The following MAN1C1 variants were observed in gnomAD, a reference collection of about 807,000 sequenced individuals.
MAN1C1 encodes mannosyl-oligosaccharide 1,2-alpha-mannosidase IC.
In MAN1C1, 49 loss-of-function variants were observed where a neutral mutation model predicts 71.5. The ratio of observed to expected loss-of-function variants is 0.69; its 90% CI spans 0.54 to 0.87. The LOEUF is 0.87. Among genes scored for constraint, MAN1C1 ranks in the 40% least tolerant of loss-of-function variants. The pLI is 0.00. For synonymous variants in MAN1C1, 352 were observed against 343.7 expected (o/e 1.02, Z -0.27); for missense variants, 743 against 835.0 (o/e 0.89, Z 1.36).
In MAN1C1 at chr1:25,781,011, A is replaced by G. The variant is rs148172518; in HGVS notation, c.1549A>G (p.Ser517Gly). Residue 517 changes from serine (S) to glycine (G), a missense_variant, in exon 10 of 12, where the codon AGC (serine) becomes GGC (glycine). Physicochemically the swap from Ser to Gly is moderately conservative, Grantham distance 56. Transcript: ENST00000374332. ...GGCCGTGGCCACCCAGCTGAGCGAG[A>G]GCTACTACATCCTCCGGCCAGAGGT... is the stretch of plus-strand genomic sequence containing the variant. ...REAVATQLSE[S>G]YYILRPEVVE... is the part of the protein sequence containing the mutation. 4.3e-5 allele frequency: 69 copies of G among 1,613,986 alleles called. No homozygotes were observed. The Middle Eastern group carries it at 4.9e-4, about 12-fold the overall frequency.
At chr1:25,621,635 T>A (rs1208837146) in intron 1 of MAN1C1, among the ~76,000 whole-genome samples, 2 of 152,090 alleles carry the variant, frequency 1.3e-5, no homozygotes, top group Non-Finnish European at 2.9e-5. Flanking sequence ...GTGTTTGTTT[T>A]TTTTTTAAGA....
At chr1:25,658,407 C>T (rs888127758) in intron 1 of MAN1C1, among the ~76,000 whole-genome samples, 2 of 152,058 alleles carry the variant, frequency 1.3e-5, no homozygotes, top group Non-Finnish European at 2.9e-5. Context: ...GGCAGGTGGC[C>T]CCAGGCTTGG....
intron 4 of MAN1C1, among the ~76,000 whole-genome samples, chr1:25,751,732 A>G (rs2124350634): frequency 6.6e-6 from 1 of 152,250 alleles, no homozygotes; most frequent in Middle Eastern, 3.4e-3. Flanking sequence ...GCATGTTATC[A>G]CCGATTTGCA....
chr1:25,739,743 G>T (rs2047033123), intron 2 of MAN1C1, among the ~76,000 whole-genome samples: 1 of 152,162 alleles, frequency 6.6e-6, no homozygotes, highest in Admixed American at 6.5e-5. Context: ...GGCACATGTT[G>T]TCACTCTGGG....
intron 7 of MAN1C1, among the ~76,000 whole-genome samples, chr1:25,768,694 TAAC>T (rs1432274384): frequency 2.3e-5 from 2 of 88,514 alleles, no homozygotes; most frequent in Non-Finnish European, 4.4e-5. Context: ...CACGCTCCCT[TAAC>T]ACACACACAC....
Position 25,724,960 on chromosome 1 carries a change from C to G in MAN1C1, c.638-21708C>G, listed in dbSNP as rs145882019. Among the ~76,000 whole-genome samples, 491 of 152,270 alleles carry G rather than the reference C, an allele frequency of 3.2e-3. 1 individual carries two copies. Among genetic ancestry groups the G allele is most frequent in the African/African-American group, 0.011 (470 of 41,548 alleles). ...ATGAAATTTGCTTAATTATTTGATT[C>G]AATCAGAAGTTGGCTTAATTATTTT... On this transcript the variant is annotated intron_variant, in intron 2 of 11. Coordinates refer to ENST00000374332, the MANE Select transcript of MAN1C1 (RefSeq NM_020379.4).
intron 1 of MAN1C1, among the ~76,000 whole-genome samples, chr1:25,650,526 G>A (rs1479367327): frequency 4.6e-5 from 7 of 152,158 alleles, no homozygotes; most frequent in Admixed American, 6.5e-5. Flanking sequence ...GGGAGCTCAC[G>A]ACCCCCCGCA....
chr1:25,700,014 G>A (rs1057083767), intron 2 of MAN1C1, among the ~76,000 whole-genome samples: 3 of 152,226 alleles, frequency 2.0e-5, no homozygotes, highest in Non-Finnish European at 4.4e-5. Flanking sequence ...AGAGCCCGGA[G>A]GAAGACAAAG....
chr1:25,718,059 C>CCAAACT (rs2046707492), intron 2 of MAN1C1, among the ~76,000 whole-genome samples: 1 of 152,016 alleles, frequency 6.6e-6, no homozygotes, highest in African/African-American at 2.4e-5. Context: ...ATTATAGTTA[C>CCAAACT]ATCAAAATAT....
chr1:25,628,215 A>C (rs2045327492), intron 1 of MAN1C1, among the ~76,000 whole-genome samples: 1 of 152,076 alleles, frequency 6.6e-6, no homozygotes, highest in Admixed American at 6.6e-5. Context: ...AGAGAGCTTT[A>C]ATGTATTTTA....
intron 2 of MAN1C1, among the ~76,000 whole-genome samples, chr1:25,699,440 TGTACTGG>T (rs1171450274): frequency 4.6e-5 from 7 of 152,114 alleles, no homozygotes; most frequent in African/African-American, 1.7e-4. Context: ...TCAGTGTGGC[TGTACTGG>T]GTGGGGGCCA....
rs1227230274 is a variant in MAN1C1, at chr1:25,769,729, C to T, written c.1142-1928C>T. Among the ~76,000 whole-genome samples, 1 of 151,996 alleles carries T rather than the reference C, an allele frequency of 6.6e-6. No homozygotes were observed. Among genetic ancestry groups the T allele is most frequent in the Non-Finnish European group, 1.5e-5 (1 of 67,956 alleles). On this transcript the variant is annotated intron_variant, in intron 7 of 11. Transcript: ENST00000374332. The surrounding 1 kb of genome is among the most constrained non-coding windows in gnomAD (Gnocchi z 4.8). ...TAGTTACTGGGCACAGAGCGGGAGT[C>T]GCATGCAATCCCTCCCCACAAAGAG...
chr1:25,661,099 TCA>T (rs925200496), intron 1 of MAN1C1, among the ~76,000 whole-genome samples: 2 of 152,232 alleles, frequency 1.3e-5, no homozygotes, highest in African/African-American at 4.8e-5. Context: ...TTTTTTAATT[TCA>T]GTTTTATTTG....
intron 1 of MAN1C1, among the ~76,000 whole-genome samples, chr1:25,630,337 C>A (rs151015054): frequency 1.5e-3 from 223 of 152,080 alleles, no homozygotes; most frequent in African/African-American, 5.1e-3. Flanking sequence ...TAATGTGATA[C>A]CTCTAGATTT....
chr1:25,728,863 C>G lies in MAN1C1; in HGVS notation c.638-17805C>G, dbSNP rs17163172. On this transcript the variant is annotated intron_variant, in intron 2 of 11. Coordinates refer to ENST00000374332, the MANE Select transcript of MAN1C1 (RefSeq NM_020379.4). ...TTGCTGGCACAGTAGAGGATATTACCCTCAAATAAAGGCTGGGGACCCCTA... is the reference window on the plus strand; with the variant it reads ...TTGCTGGCACAGTAGAGGATATTACGCTCAAATAAAGGCTGGGGACCCCTA... Among the ~76,000 whole-genome samples the G allele has an allele frequency of 4.3e-3, 656 of 152,238 alleles. 4 individuals carry two copies. The highest frequency in any genetic ancestry group is 0.015 in the African/African-American group (628 of 41,540).
chr1:25,660,831 C>T (rs1249159347), intron 1 of MAN1C1, among the ~76,000 whole-genome samples: 1 of 152,154 alleles, frequency 6.6e-6, no homozygotes, highest in African/African-American at 2.4e-5. Flanking sequence ...GCTGGGACCA[C>T]AGGTGCATGC....
At chr1:25,674,393 C>T (rs2046035337) in intron 1 of MAN1C1, among the ~76,000 whole-genome samples, 1 of 152,192 alleles carries the variant, frequency 6.6e-6, no homozygotes. Flanking sequence ...TGGGTACTCT[C>T]CTAGGTGCTA....
Position 25,767,655 on chromosome 1 carries a change from ACACAGACC to A in MAN1C1, c.1141+3693_1141+3700del, listed in dbSNP as rs1430672078. On this transcript the variant is annotated intron_variant, in intron 7 of 11. Coordinates refer to ENST00000374332, the MANE Select transcript of MAN1C1 (RefSeq NM_020379.4). ...CACACACATTACACACTCCCCCCAC[ACACAGACC>A]CACACAGCCACACTCTCCTTACATA... is the stretch of plus-strand genomic sequence containing the variant. Among the ~76,000 whole-genome samples, 115 of 65,294 alleles carry A rather than the reference ACACAGACC, an allele frequency of 1.8e-3. 1 individual carries two copies. Among genetic ancestry groups the A allele is most frequent in the African/African-American group, 6.8e-3 (94 of 13,914 alleles). The allele number at this position is 65,294 out of a possible 152,430, so 42.8% of individuals were successfully genotyped here. A position where few individuals can be genotyped will look rare whatever the true frequency, so the allele number is the denominator to read the frequency against.
At chr1:25,768,313 CTTCACG>C in intron 7 of MAN1C1, among the ~76,000 whole-genome samples, 1 of 34,486 alleles carries the variant, frequency 2.9e-5, no homozygotes, top group Non-Finnish European at 6.5e-5. Flanking sequence ...TACACACTCC[CTTCACG>C]TACATCCACA....
Sources: allele counts gnomAD v4.1 joint callset (sites outside exome capture counted in the v4.1 genomes callset), GRCh38; gene constraint gnomAD v4.1.1; non-coding constraint Gnocchi (gnomAD v3.1); transcripts MANE v1.5; gene names NCBI Gene and HGNC (gene_info 2026-07-23, HGNC 2026-07-21).